The following RPS6 variants were observed in gnomAD, a reference collection of about 807,000 sequenced individuals.
RPS6 encodes ribosomal protein S6.
A neutral mutation model predicts 27.1 loss-of-function variants in RPS6; 1 was observed. The ratio of observed to expected loss-of-function variants is 0.04; its 90% CI spans 0.01 to 0.18. The LOEUF is 0.18. Ranked by LOEUF, RPS6 falls within the 10% of genes least tolerant of loss-of-function variation. The probability of loss-of-function intolerance (pLI) is 1.00; values close to 1 mark genes in which losing one functional copy is unlikely to be tolerated. For missense variants in RPS6, 259 were observed against 319.1 expected, an observed-to-expected ratio of 0.81 and a Z score of 1.44; for synonymous variants, 152 against 106.0, an observed-to-expected ratio of 1.43 and a Z score of -2.66.
chr9:19,379,959 G>T, intron 1 of RPS6: 1 of 1,438,502 alleles, frequency 7.0e-7, no homozygotes, highest in Non-Finnish European at 9.1e-7. Flanking sequence ...GTCCCGGCTG[G>T]GCGCGGGGAC....
chr9:19,377,099 T>C (rs868567057), intron 4 of RPS6, among the ~76,000 whole-genome samples: 3 of 152,132 alleles, frequency 2.0e-5, no homozygotes, highest in African/African-American at 7.2e-5. Flanking sequence ...TCAGATTAGG[T>C]GGCATGTTGT....
chr9:19,379,885 C>G, intron 1 of RPS6: 4 of 1,423,740 alleles, frequency 2.8e-6, no homozygotes, highest in Non-Finnish European at 2.7e-6. Flanking sequence ...CCTCCCGAAG[C>G]AAGAAAGCCG....
At chr9:19,377,495 A>C (rs1829608282) in intron 4 of RPS6, among the ~76,000 whole-genome samples, 2 of 151,276 alleles carry the variant, frequency 1.3e-5, no homozygotes. Context: ...AAGTGTAATT[A>C]CTGACTTAAC....
At position 19,377,250 on chromosome 9, in the gene RPS6, G is replaced by A. The variant is rs1829603795; in HGVS notation, c.497-599C>T. On this transcript the variant is annotated intron_variant, in intron 4 of 5. Transcript: ENST00000380394. ...ACTGCCTTAGGCTAAATGCTCAGATGTTCAGATTCTGCTAAAATGTTAAGC... is the reference window on the plus strand; with the variant it reads ...ACTGCCTTAGGCTAAATGCTCAGATATTCAGATTCTGCTAAAATGTTAAGC... Among the ~76,000 whole-genome samples the A allele has an allele frequency of 2.0e-5, 3 of 152,124 alleles. No individual in the cohort carries two copies. In the South Asian group the frequency reaches 6.2e-4, roughly 31 times the overall value.
intron 2 of RPS6, 185 bp downstream of exon 2, chr9:19,379,302 T>G: frequency 1.4e-6 from 2 of 1,481,374 alleles, no homozygotes; most frequent in African/African-American, 2.8e-5. Context: ...TTACGTATAT[T>G]TTATGGCTTA....
Position 19,378,803 on chromosome 9 carries a change from C to G in RPS6, c.254G>C (p.Arg85Thr), listed in dbSNP as rs1589013563. The G allele has an allele frequency of 6.2e-7, 1 of 1,614,222 alleles. No individual in the cohort carries two copies. Among genetic ancestry groups the G allele is most frequent in the Non-Finnish European group, 8.5e-7 (1 of 1,180,030 alleles). Reference protein sequence around the residue: ...LLLSKGHSCYRPRRTGERKRK... With the variant: ...LLLSKGHSCYTPRRTGERKRK... ...CTTTCTTTCTCCAGTTCTCCTTGGT[C>G]TGTAACAGGAATGCCCCTTACTCAG... Residue 85 changes from arginine to threonine, a missense_variant, in exon 3 of 6, where the codon AGA (arginine) becomes ACA (threonine). Transcript: ENST00000380394.
chr9:19,378,799 T>C lies in RPS6; in HGVS notation c.258A>G (p.Pro86=), dbSNP rs1563858408. 4 of 1,614,202 alleles carry C rather than the reference T, an allele frequency of 2.5e-6. No individual in the cohort carries two copies. The highest frequency in any genetic ancestry group is 4.5e-5 in the East Asian group (2 of 44,884). The change falls in exon 3 of 6, where the codon CCA becomes CCG. Residue 86 remains proline, a synonymous_variant. Transcript: ENST00000380394. ...TTCTCTTTCTTTCTCCAGTTCTCCT[T>C]GGTCTGTAACAGGAATGCCCCTTAC... ...LLSKGHSCYR[P]RRTGERKRKS...
intron 4 of RPS6, 131 bp downstream of exon 4, chr9:19,378,237 A>G (rs1829622290): frequency 1.2e-6 from 1 of 865,458 alleles, no homozygotes; most frequent in South Asian, 1.8e-5. Context: ...ACCCCCAAAT[A>G]TTTTCTGTAA....
rs1158980951 is a variant in RPS6 at position 19,378,930 on chromosome 9, T to C, written c.139-12A>G. On this transcript the variant is annotated splice_polypyrimidine_tract_variant and intron_variant, in intron 2 of 5. Coordinates refer to ENST00000380394, the MANE Select transcript of RPS6 (RefSeq NM_001010.3). ...CGGACCACATAACCCTGCAAGAGCA[T>C]ACAATGAATGACACATTTACTATTT... The C allele has an allele frequency of 1.9e-6, 3 of 1,612,508 alleles. No homozygotes were observed. Among genetic ancestry groups the C allele is most frequent in the South Asian group, 2.2e-5 (2 of 90,936 alleles).
At position 19,378,843 on chromosome 9, in the gene RPS6, G is replaced by A; in HGVS notation, c.214C>T (p.Arg72Cys). Residue 72 changes from arginine (R) to cysteine (C), a missense_variant, in exon 3 of 6, where the codon CGT (arginine) becomes TGT (cysteine). Arg to Cys is a radical substitution (Grantham distance 180, BLOSUM62 -3). This residue lies in a region of RPS6 where 191 missense variants were observed against 231.6 expected (regional missense o/e 0.82). Coordinates refer to ENST00000380394, the MANE Select transcript of RPS6 (RefSeq NM_001010.3). ...PMKQGVLTHG[R>C]VRLLLSKGHS... is the part of the protein sequence containing the mutation. The stretch of plus-strand genomic sequence containing the variant: ...CCCTTACTCAGTAGCAGGCGGACAC[G>A]GCCATGGGTCAAGACACCCTGCTTC... The A allele has an allele frequency of 1.9e-6, 3 of 1,614,140 alleles. No individual in the cohort carries two copies. The highest frequency in any genetic ancestry group is 1.3e-5 in the African/African-American group (1 of 75,038).
At chr9:19,376,461 T>C (rs1455997675) in intron 5 of RPS6, 33 bp downstream of exon 5, 2 of 1,612,076 alleles carry the variant, frequency 1.2e-6, no homozygotes, top group African/African-American at 1.3e-5. Context: ...CAGGTCGAAC[T>C]CCTCCCACCC....
intron 2 of RPS6, chr9:19,379,173 T>C (rs1829638266): frequency 1.1e-6 from 1 of 887,200 alleles, no homozygotes; most frequent in Non-Finnish European, 1.7e-6. Flanking sequence ...AGATAAAATA[T>C]CAAACAGCAA....
chr9:19,380,087 C>A (rs892268406), intron 1 of RPS6, 103 bp downstream of exon 1: 4 of 1,613,342 alleles, frequency 2.5e-6, no homozygotes, highest in Non-Finnish European at 3.4e-6. Context: ...CCCTTCTCCA[C>A]CTAAAGCCAG....
rs558152931 is a variant in RPS6, at chr9:19,379,181, CAACA to C, written c.139-267_139-264del. 7.4e-5 allele frequency: 68 copies of C among 924,808 alleles called. No individual in the cohort carries two copies. In the African/African-American group the frequency reaches 8.7e-4, roughly 12 times the overall value. 57.3% of individuals were successfully genotyped at this position (924,808 alleles called of 1,614,324 possible). On this transcript the variant is annotated intron_variant, in intron 2 of 5. Coordinates refer to ENST00000380394, the MANE Select transcript of RPS6 (RefSeq NM_001010.3). ...ACTAAGAAGATAAAATATCAAACAGCAACAAACAAATCAGATACAACCCTTTTTG... is the reference window on the plus strand; with the variant it reads ...ACTAAGAAGATAAAATATCAAACAGCAACAAATCAGATACAACCCTTTTTG...
intron 4 of RPS6, 63 bp downstream of exon 4, chr9:19,378,305 G>A (rs965901857): frequency 3.3e-5 from 50 of 1,508,476 alleles, no homozygotes; most frequent in Non-Finnish European, 4.6e-5. Flanking sequence ...CTTCTGATAT[G>A]CACACAAAAT....
intron 3 of RPS6, 42 bp from the exon 4 acceptor site, chr9:19,378,556 C>T (rs776080309): frequency 1.2e-6 from 2 of 1,602,282 alleles, no homozygotes; most frequent in African/African-American, 2.7e-5. Flanking sequence ...CAACAACTTC[C>T]TTAAGAATCC....
chr9:19,376,859 GA>G, intron 4 of RPS6: 2 of 450,012 alleles, frequency 4.4e-6, no homozygotes. Context: ...AAATATAAGG[GA>G]AACCAAGTCC....
Position 19,379,788 on chromosome 9 carries a change from G to C in RPS6, c.7-170C>G, listed in dbSNP as rs530252736. On this transcript the variant is annotated intron_variant, in intron 1 of 5. Coordinates refer to ENST00000380394, the MANE Select transcript of RPS6 (RefSeq NM_001010.3). ...AAAAGCACGTGAAAGCAGAGTAGCA[G>C]TCAAGAAGCGCCGCACTCAGCAGGA... is the stretch of plus-strand genomic sequence containing the variant. 1.2e-5 allele frequency: 17 copies of C among 1,450,394 alleles called. No individual in the cohort carries two copies. In the African/African-American group the frequency reaches 2.0e-4, roughly 17 times the overall value. 89.8% of individuals were successfully genotyped at this position (1,450,394 alleles called of 1,614,324 possible).
chr9:19,378,648 GC>G, intron 3 of RPS6, 59 bp downstream of exon 3: 1 of 1,580,052 alleles, frequency 6.3e-7, no homozygotes, highest in Non-Finnish European at 8.7e-7. Context: ...AAATGAATAA[GC>G]ATTTGGACAA....
Sources: gnomAD v4.1 joint callset for allele counts (sites outside exome capture counted in the v4.1 genomes callset) on GRCh38, gnomAD v4.1.1 for gene constraint, gnomAD v4.1.1 regional missense constraint, MANE v1.5 for transcripts, NCBI Gene and HGNC (gene_info 2026-07-23, HGNC 2026-07-21) for gene names.